Variants in ICA1L observed in about 807,000 individuals in gnomAD.
The protein encoded by ICA1L is islet cell autoantigen 1 like.
A neutral mutation model predicts 61.3 loss-of-function variants in ICA1L; 50 were observed. That is an observed-to-expected ratio of 0.82 (90% confidence interval 0.65 to 1.03). ICA1L has a LOEUF of 1.03. Ranked by LOEUF, ICA1L falls within the 50% of genes least tolerant of loss-of-function variation. The pLI is 0.00. For missense variants in ICA1L, 508 were observed against 556.7 expected, an observed-to-expected ratio of 0.91 and a Z score of 0.88; for synonymous variants, 161 against 191.3, an observed-to-expected ratio of 0.84 and a Z score of 1.31.
intron 10 of ICA1L, among the ~76,000 whole-genome samples, chr2:202,790,558 T>C (rs768249885): frequency 7.2e-5 from 11 of 152,124 alleles, no homozygotes; most frequent in Non-Finnish European, 1.2e-4. Flanking sequence ...AAGGGCTAGC[T>C]TCCCAGGAGG....
chr2:202,817,070 G>C (rs907742200), intron 6 of ICA1L, among the ~76,000 whole-genome samples: 3 of 152,152 alleles, frequency 2.0e-5, no homozygotes, highest in African/African-American at 7.2e-5. Context: ...CAGAATCTTT[G>C]CTTCAGATGA....
chr2:202,841,457 C>T (rs530968411), intron 1 of ICA1L: 1 of 1,040,092 alleles, frequency 9.6e-7, no homozygotes, highest in African/African-American at 1.6e-5. Flanking sequence ...AGGAATTGTA[C>T]CTTGTCTATG....
chr2:202,821,577 C>T, intron 3 of ICA1L, 96 bp from the exon 4 acceptor site: 2 of 865,694 alleles, frequency 2.3e-6, no homozygotes, highest in South Asian at 1.9e-5. Flanking sequence ...ACTCTCTATA[C>T]AAGATTTACT....
intron 1 of ICA1L, among the ~76,000 whole-genome samples, chr2:202,870,372 A>C (rs1687661950): frequency 1.3e-5 from 2 of 152,188 alleles, no homozygotes; most frequent in Non-Finnish European, 1.5e-5. Context: ...TAAACTGGTA[A>C]TTAGAACACT....
chr2:202,810,956 A>G (rs190270784), intron 9 of ICA1L, among the ~76,000 whole-genome samples: 43 of 152,304 alleles, frequency 2.8e-4, no homozygotes, highest in Non-Finnish European at 3.8e-4. Context: ...CGTGTCTCTG[A>G]TAAGATGTTA....
intron 4 of ICA1L, among the ~76,000 whole-genome samples, chr2:202,820,625 G>C (rs1365454277): frequency 6.6e-6 from 1 of 152,154 alleles, no homozygotes; most frequent in African/African-American, 2.4e-5. Context: ...GGAGTTCTTA[G>C]CAGCTGAGGA....
rs187929374 is a variant in ICA1L, at chr2:202,849,219, G to A, written c.-7-20203C>T. Among the ~76,000 whole-genome samples the A allele has an allele frequency of 8.5e-5, 13 of 152,290 alleles. No individual in the cohort carries two copies. Among genetic ancestry groups the A allele is most frequent in the South Asian group, 2.1e-4 (1 of 4,826 alleles). ...GGCTGTTTGGGCAGACACCGAGCTA[G>A]CTGCAGGAGGTTTTTGTTTTTGTTT... On this transcript the variant is annotated intron_variant, in intron 1 of 12. Coordinates refer to ENST00000358299, the MANE Select transcript of ICA1L (RefSeq NM_001288622.3). This position sits in a 1 kb window ranked among gnomAD's most constrained non-coding sequence, Gnocchi z 4.5.
chr2:202,834,930 A>G (rs925237419), intron 1 of ICA1L, among the ~76,000 whole-genome samples: 2 of 152,146 alleles, frequency 1.3e-5, no homozygotes, highest in African/African-American at 4.8e-5. Context: ...TCCTGGGCTC[A>G]AGTAATCCTC....
At chr2:202,820,834 T>C (rs931386974) in intron 4 of ICA1L, among the ~76,000 whole-genome samples, 1 of 152,220 alleles carries the variant, frequency 6.6e-6, no homozygotes, top group Non-Finnish European at 1.5e-5. Context: ...GACTGTTTTA[T>C]TCTTCTTAAA....
chr2:202,782,416 T>G (rs1303158931), intron 12 of ICA1L, among the ~76,000 whole-genome samples: 1 of 152,012 alleles, frequency 6.6e-6, no homozygotes, highest in Non-Finnish European at 1.5e-5. Context: ...GTTTTTGGTT[T>G]TTTTTTTTTG....
intron 9 of ICA1L, among the ~76,000 whole-genome samples, chr2:202,806,579 A>T (rs897775177): frequency 2.0e-5 from 3 of 151,956 alleles, no homozygotes; most frequent in Non-Finnish European, 1.5e-5. Flanking sequence ...CTGGGAAGTC[A>T]AGGCTGCAGT....
intron 1 of ICA1L, among the ~76,000 whole-genome samples, chr2:202,864,649 A>G (rs182917691): frequency 0.011 from 1,387 of 130,332 alleles, 16 homozygotes; most frequent in African/African-American, 0.026. Context: ...GTGTGTGTGT[A>G]TATATATATA....
rs1357274288 is a variant in ICA1L, at chr2:202,774,166, C to T, written c.*5367G>A. ...CATTTGTTGATGCTTCATATCTGAG[C>T]GGCTTCTTGGAGAGCGGGCACACCA... is the stretch of plus-strand genomic sequence containing the variant. On this transcript the variant is annotated 3_prime_UTR_variant, in exon 13 of 13. Coordinates refer to ENST00000358299, the MANE Select transcript of ICA1L (RefSeq NM_001288622.3). The T allele has an allele frequency of 1.3e-6, 2 of 1,546,002 alleles. No individual in the cohort carries two copies. The highest frequency in any genetic ancestry group is 1.4e-5 in the African/African-American group (1 of 73,048).
Position 202,814,774 on chromosome 2 carries a change from T to C in ICA1L, c.794A>G (p.Asp265Gly), listed in dbSNP as rs758106595. The change falls in exon 8 of 13, where the codon GAC (aspartate) becomes GGC (glycine). Residue 265 changes from aspartate to glycine, a missense_variant. Asp to Gly is a moderately conservative substitution (Grantham distance 94, BLOSUM62 -1). Transcript: ENST00000358299. ...GTCTTCACTAATCTTGCTTGGCGTG[T>C]CTTGTAGTTGCTAAAGATAAGAAAG... ...YDFVALKQLQDTPSKISEDNK... is the reference protein window; with the variant it reads ...YDFVALKQLQGTPSKISEDNK... 3.7e-6 allele frequency: 6 copies of C among 1,612,366 alleles called. No homozygotes were observed. The African/African-American group carries it at 8.0e-5, about 22-fold the overall frequency.
intron 3 of ICA1L, among the ~76,000 whole-genome samples, chr2:202,821,908 G>C (rs1693713105): frequency 6.6e-6 from 1 of 152,104 alleles, no homozygotes; most frequent in African/African-American, 2.4e-5. Context: ...TCAGTTTCCT[G>C]TGCTCGGTAT....
chr2:202,862,640 C>G (rs552109514), intron 1 of ICA1L, among the ~76,000 whole-genome samples: 2 of 151,714 alleles, frequency 1.3e-5, no homozygotes, highest in Admixed American at 6.6e-5. Flanking sequence ...AGTTCGAGAC[C>G]AGCCTGGCCA....
chr2:202,852,424 A>T (rs913487746), intron 1 of ICA1L, among the ~76,000 whole-genome samples: 1 of 152,026 alleles, frequency 6.6e-6, no homozygotes, highest in Non-Finnish European at 1.5e-5. Context: ...TAATCCCAGC[A>T]CTTTGGGAGG....
At chr2:202,811,526 G>A (rs925084318) in intron 9 of ICA1L, among the ~76,000 whole-genome samples, 1 of 151,898 alleles carries the variant, frequency 6.6e-6, no homozygotes, top group African/African-American at 2.4e-5. Context: ...GCTGGGCATG[G>A]TGGCAGGCAC....
chr2:202,820,099 C>T (rs769159055), intron 4 of ICA1L, 200 bp from the exon 5 acceptor site: 38 of 550,316 alleles, frequency 6.9e-5, no homozygotes, highest in Non-Finnish European at 1.1e-4. Context: ...GTTGGCCGGG[C>T]GCGGTGGCTG....
Sources: gnomAD v4.1 joint callset for allele counts (sites outside exome capture counted in the v4.1 genomes callset) on GRCh38, gnomAD v4.1.1 for gene constraint, Gnocchi (gnomAD v3.1) non-coding constraint, MANE v1.5 for transcripts, NCBI Gene and HGNC (gene_info 2026-07-23, HGNC 2026-07-21) for gene names.